Variants in TXNDC11 observed in about 807,000 individuals in gnomAD.
The protein encoded by TXNDC11 is thioredoxin domain-containing protein 11.
A neutral mutation model predicts 78.0 loss-of-function variants in TXNDC11; 68 were observed. The ratio of observed to expected loss-of-function variants is 0.87; its 90% CI spans 0.72 to 1.07. TXNDC11 has a LOEUF of 1.07. Ranked by LOEUF, TXNDC11 falls within the 50% of genes least tolerant of loss-of-function variation. The pLI is 0.00. For synonymous variants in TXNDC11, 571 were observed against 495.2 expected (o/e 1.15, Z -2.03); for missense variants, 1,389 against 1,221.8 (o/e 1.14, Z -2.04).
Position 11,715,761 on chromosome 16 carries a change from G to GA in TXNDC11, c.793+5815dup, listed in dbSNP as rs2051510635. Among the ~76,000 whole-genome samples the GA allele has an allele frequency of 4.6e-5, 7 of 152,298 alleles. No homozygotes were observed. In the South Asian group the frequency reaches 1.5e-3, roughly 32 times the overall value. The stretch of plus-strand genomic sequence containing the variant: ...AGAGATTCAGTCCATTGGACAGGGA[G>GA]AAAACCATGCGTTACAAATAGAAGC... On this transcript the variant is annotated intron_variant, in intron 5 of 11. Transcript: ENST00000283033.
intron 8 of TXNDC11, among the ~76,000 whole-genome samples, chr16:11,690,579 G>A (rs964684133): frequency 6.6e-6 from 1 of 152,170 alleles, no homozygotes; most frequent in African/African-American, 2.4e-5. Flanking sequence ...TGGAGACGGA[G>A]TCTTGCTCTG....
At chr16:11,719,943 G>C (rs1473682678) in intron 5 of TXNDC11, among the ~76,000 whole-genome samples, 1 of 152,164 alleles carries the variant, frequency 6.6e-6, no homozygotes, top group Non-Finnish European at 1.5e-5. Context: ...CACATTCCAG[G>C]AAGAAGGACT....
chr16:11,739,969 G>A (rs2052343198), intron 1 of TXNDC11, among the ~76,000 whole-genome samples: 1 of 151,934 alleles, frequency 6.6e-6, no homozygotes, highest in Admixed American at 6.6e-5. Flanking sequence ...GAAGTAGGAG[G>A]ACCACCTGAA....
chr16:11,730,606 G>A, intron 4 of TXNDC11, 39 bp downstream of exon 4: 2 of 1,603,332 alleles, frequency 1.2e-6, no homozygotes, highest in Non-Finnish European at 8.5e-7. Context: ...CCCCGTGAAA[G>A]GCCTTGAGTA....
chr16:11,736,456 A>T (rs1457404236), intron 1 of TXNDC11, among the ~76,000 whole-genome samples: 1 of 152,210 alleles, frequency 6.6e-6, no homozygotes, highest in African/African-American at 2.4e-5. Context: ...TGTAGGCTGG[A>T]AGGGCAGTGG....
At chr16:11,686,024 T>C (rs1442120380) in intron 10 of TXNDC11, among the ~76,000 whole-genome samples, 2 of 152,100 alleles carry the variant, frequency 1.3e-5, no homozygotes, top group Non-Finnish European at 2.9e-5. Flanking sequence ...AGTGGTGCAA[T>C]CTCAGCTCCC....
intron 10 of TXNDC11, among the ~76,000 whole-genome samples, chr16:11,687,071 C>G: frequency 6.6e-6 from 1 of 152,296 alleles, no homozygotes; most frequent in East Asian, 1.9e-4. Flanking sequence ...CACAGAGACA[C>G]TGGAAAATAT....
At chr16:11,695,524 T>A (rs906400477) in intron 7 of TXNDC11, among the ~76,000 whole-genome samples, 3 of 152,236 alleles carry the variant, frequency 2.0e-5, no homozygotes, top group African/African-American at 7.2e-5. Flanking sequence ...TCATCTTGCG[T>A]AAGTACAGCG....
At chr16:11,681,103 T>A (rs2050413367) in intron 11 of TXNDC11, among the ~76,000 whole-genome samples, 1 of 152,080 alleles carries the variant, frequency 6.6e-6, no homozygotes, top group African/African-American at 2.4e-5. Flanking sequence ...GTCCAGGAGT[T>A]CAAGACTGCA....
chr16:11,714,177 ACT>A (rs1289982201), intron 5 of TXNDC11, among the ~76,000 whole-genome samples: 1 of 152,134 alleles, frequency 6.6e-6, no homozygotes, highest in African/African-American at 2.4e-5. Flanking sequence ...AGTAGCTGCA[ACT>A]ACAGGCTAAT....
In TXNDC11 at chr16:11,742,824, G is replaced by A. The variant is rs981226242; in HGVS notation, c.-94C>T. On this transcript the variant is annotated 5_prime_UTR_variant, in exon 1 of 12. Transcript: ENST00000283033. ...TTGCTCCCCAATCCCGCAGCTCGCC[G>A]CACCCGCTAACCCGGACGCTCCACG... is the stretch of plus-strand genomic sequence containing the variant. 33 of 1,362,630 alleles carry A rather than the reference G, an allele frequency of 2.4e-5. No individual in the cohort carries two copies. Among genetic ancestry groups the A allele is most frequent in the Non-Finnish European group, 2.8e-5 (30 of 1,062,826 alleles). The allele number at this position is 1,362,630 out of a possible 1,614,324, so 84.4% of individuals were successfully genotyped here. A position where few individuals can be genotyped will look rare whatever the true frequency, so the allele number is the denominator to read the frequency against.
intron 5 of TXNDC11, among the ~76,000 whole-genome samples, chr16:11,708,399 T>C (rs1014382292): frequency 6.6e-5 from 10 of 152,338 alleles, no homozygotes; most frequent in African/African-American, 2.4e-4. Flanking sequence ...GACTCTAGCC[T>C]GAGCTTCTGA....
At chr16:11,729,792 T>G (rs1191285684) in intron 4 of TXNDC11, among the ~76,000 whole-genome samples, 1 of 152,170 alleles carries the variant, frequency 6.6e-6, no homozygotes, top group African/African-American at 2.4e-5. Context: ...ATTCTTAACA[T>G]GCATTAAAGA....
At chr16:11,689,245 C>T (rs1027868793) in intron 8 of TXNDC11, among the ~76,000 whole-genome samples, 2 of 152,118 alleles carry the variant, frequency 1.3e-5, no homozygotes, top group African/African-American at 2.4e-5. Flanking sequence ...TCCACCATTG[C>T]ACTCAGCTAA....
chr16:11,700,647 A>G, intron 5 of TXNDC11, 83 bp from the exon 6 acceptor site: 1 of 676,824 alleles, frequency 1.5e-6, no homozygotes, highest in Admixed American at 2.4e-5. Context: ...GTCTTGAAGC[A>G]CAAACCCCTG....
In TXNDC11 at chr16:11,698,170, G is replaced by A. The variant is rs769216876; in HGVS notation, c.1062C>T (p.Phe354=). Residue 354 remains phenylalanine, a synonymous_variant, in exon 7 of 12, where the codon TTC becomes TTT. Coordinates refer to ENST00000283033, the MANE Select transcript of TXNDC11 (RefSeq NM_015914.7). The part of the protein sequence containing the change: ...ELKKGPALFL[F]IPFNPLAESH... ...TTTCGGCCAGGGGATTAAAAGGTAT[G>A]AACAGAAACAGCGCTGGTCCTTTCT... The A allele has an allele frequency of 8.7e-6, 14 of 1,614,208 alleles. No homozygotes were observed. Among genetic ancestry groups the A allele is most frequent in the Non-Finnish European group, 1.2e-5 (14 of 1,180,034 alleles).
Position 11,698,166 on chromosome 16 carries a change from G to A in TXNDC11, c.1066C>T (p.Pro356Ser). 2 of 1,614,248 alleles carry A rather than the reference G, an allele frequency of 1.2e-6. No homozygotes were observed. The highest frequency in any genetic ancestry group is 8.5e-7 in the Non-Finnish European group (1 of 1,180,038). ...KKGPALFLFI[P>S]FNPLAESHPL... is the part of the protein sequence containing the mutation. ...TGACTTTCGGCCAGGGGATTAAAAG[G>A]TATGAACAGAAACAGCGCTGGTCCT... Residue 356 changes from proline to serine, a missense_variant, in exon 7 of 12, where the codon CCT (proline) becomes TCT (serine). By Grantham distance (74) the Pro-to-Ser change is moderately conservative (BLOSUM62 -1). Transcript: ENST00000283033.
At chr16:11,695,837 C>T (rs2050843797) in intron 7 of TXNDC11, among the ~76,000 whole-genome samples, 1 of 152,092 alleles carries the variant, frequency 6.6e-6, no homozygotes, top group South Asian at 2.1e-4. Context: ...CTTTTGAAAC[C>T]TGCCTGGGTA....
intron 5 of TXNDC11, among the ~76,000 whole-genome samples, chr16:11,713,138 G>C (rs1047201269): frequency 1.3e-5 from 2 of 148,846 alleles, no homozygotes; most frequent in South Asian, 4.3e-4. Context: ...AAATTGCCAG[G>C]TTGCCAGGCG....
Sources: gnomAD v4.1 joint callset for allele counts (sites outside exome capture counted in the v4.1 genomes callset) on GRCh38, gnomAD v4.1.1 for gene constraint, MANE v1.5 for transcripts, NCBI Gene and HGNC (gene_info 2026-07-23, HGNC 2026-07-21) for gene names.